The following ZNF254 variants were observed in gnomAD, a reference collection of about 807,000 sequenced individuals.
ZNF254 encodes zinc finger protein 254, also known as CTD-2017D11.1.
ZNF254 carries 10 observed loss-of-function variants against 12.4 expected under a neutral mutation model. The observed-to-expected ratio is 0.80, with a 90% confidence interval of 0.50 to 1.36. The LOEUF (loss-of-function observed/expected upper bound fraction) is 1.36. Ranked by LOEUF, ZNF254 falls within the 40% of genes most tolerant of loss-of-function variation. ZNF254 has a pLI of 0.00. For missense variants in ZNF254, 996 were observed against 763.9 expected, an observed-to-expected ratio of 1.30 and a Z score of -3.58; for synonymous variants, 305 against 253.4, an observed-to-expected ratio of 1.20 and a Z score of -1.93.
At chr19:24,091,674 G>T (rs1462715341) in intron 1 of ZNF254, among the ~76,000 whole-genome samples, 1 of 151,910 alleles carries the variant, frequency 6.6e-6, no homozygotes, top group Non-Finnish European at 1.5e-5. Context: ...TGTATTTTTA[G>T]TAGAGATGGG....
intron 2 of ZNF254, among the ~76,000 whole-genome samples, chr19:24,068,017 A>G (rs927803252): frequency 1.3e-5 from 2 of 152,068 alleles, no homozygotes; most frequent in African/African-American, 4.8e-5. Flanking sequence ...GACCTTTCAT[A>G]TTTTACATGT....
intron 1 of ZNF254, among the ~76,000 whole-genome samples, chr19:24,036,526 TTGTAGG>T (rs1969973851): frequency 6.6e-6 from 1 of 152,120 alleles, no homozygotes; most frequent in African/African-American, 2.4e-5. Flanking sequence ...AGCCCTGAAC[TTGTAGG>T]GTCTATGCTG....
At chr19:24,101,727 T>A (rs1467361420) in intron 1 of ZNF254, among the ~76,000 whole-genome samples, 1 of 152,242 alleles carries the variant, frequency 6.6e-6, no homozygotes, top group Non-Finnish European at 1.5e-5. Context: ...GCTGGCTTGC[T>A]ATTGAACCAT....
At chr19:24,121,788 C>G (rs1022920231) in intron 3 of ZNF254, among the ~76,000 whole-genome samples, 2 of 152,154 alleles carry the variant, frequency 1.3e-5, no homozygotes, top group African/African-American at 4.8e-5. Context: ...AACTCCTGAC[C>G]TCATGATCCA....
intron 2 of ZNF254, chr19:24,079,908 G>T (rs1971789425): frequency 6.6e-6 from 1 of 152,152 alleles, no homozygotes; most frequent in Non-Finnish European, 1.5e-5. Flanking sequence ...CAATGAAAAG[G>T]TTAAGCAACT....
chr19:24,081,420 T>C (rs1364925007), intron 2 of ZNF254, among the ~76,000 whole-genome samples: 1 of 152,188 alleles, frequency 6.6e-6, no homozygotes, highest in Non-Finnish European at 1.5e-5. Flanking sequence ...GGGACACTTA[T>C]TGAAATAGCA....
intron 1 of ZNF254, among the ~76,000 whole-genome samples, chr19:24,038,766 T>C (rs1434018804): frequency 6.6e-6 from 1 of 152,172 alleles, no homozygotes; most frequent in Non-Finnish European, 1.5e-5. Context: ...GGATCTGCAA[T>C]CATTAATAGC....
Position 24,068,105 on chromosome 19 carries a change from T to C in ZNF254, c.-94+21826T>C, listed in dbSNP as rs996744304. Among the ~76,000 whole-genome samples, 16 of 152,316 alleles carry C rather than the reference T, an allele frequency of 1.1e-4. No individual in the cohort carries two copies. In the South Asian group the frequency reaches 2.5e-3, roughly 24 times the overall value. On this transcript the variant is annotated intron_variant, in intron 2 of 4. Transcript: ENST00000613065. ...CCTGCCCACAGATGGCCTCGTGACATATTTTGGCATCCATCACCTAAGAAA... is the reference window on the plus strand; with the variant it reads ...CCTGCCCACAGATGGCCTCGTGACACATTTTGGCATCCATCACCTAAGAAA...
intron 1 of ZNF254, among the ~76,000 whole-genome samples, chr19:24,040,403 C>T (rs1438244882): frequency 2.0e-5 from 3 of 152,156 alleles, no homozygotes; most frequent in African/African-American, 7.2e-5. Flanking sequence ...TTTTACACAG[C>T]AACCTGTTTT....
At chr19:24,053,050 A>G (rs1352402132) in intron 2 of ZNF254, among the ~76,000 whole-genome samples, 2 of 152,210 alleles carry the variant, frequency 1.3e-5, no homozygotes, top group East Asian at 1.9e-4. Flanking sequence ...TGCCAACAGT[A>G]AAGACTGTCA....
chr19:24,069,562 G>A (rs1387515228), intron 2 of ZNF254, among the ~76,000 whole-genome samples: 1 of 127,860 alleles, frequency 7.8e-6, no homozygotes, highest in East Asian at 2.4e-4. Flanking sequence ...CCAAGATCAC[G>A]CCACTGCCGT....
intron 3 of ZNF254, among the ~76,000 whole-genome samples, chr19:24,124,062 C>A (rs1230094381): frequency 6.6e-6 from 1 of 151,708 alleles, no homozygotes; most frequent in Non-Finnish European, 1.5e-5. Context: ...GTCTTTTATT[C>A]TCTTTCCATC....
intron 1 of ZNF254, chr19:24,105,584 G>T: frequency 4.3e-6 from 1 of 234,138 alleles, no homozygotes; most frequent in Admixed American, 5.3e-5. Flanking sequence ...TGTCTATTTT[G>T]TCTGAAAAAT....
At chr19:24,095,667 G>A (rs1972628789) in intron 1 of ZNF254, among the ~76,000 whole-genome samples, 1 of 152,004 alleles carries the variant, frequency 6.6e-6, no homozygotes, top group Admixed American at 6.6e-5. Context: ...TCTTGTTTGT[G>A]TGCACAGAGG....
intron 2 of ZNF254, among the ~76,000 whole-genome samples, chr19:24,068,410 C>T (rs765870025): frequency 4.6e-5 from 7 of 152,096 alleles, no homozygotes; most frequent in Non-Finnish European, 8.8e-5. Flanking sequence ...AAGCAGTTCT[C>T]CTGCCTTAGC....
At chr19:24,084,274 A>G (rs1164862156), upstream of ZNF254, among the ~76,000 whole-genome samples, 2 of 151,080 alleles carry the variant, frequency 1.3e-5, no homozygotes, top group African/African-American at 4.8e-5. Context: ...GGAGTTGAAG[A>G]ACATTATTCT....
intron 3 of ZNF254, among the ~76,000 whole-genome samples, chr19:24,125,153 A>G (rs951918549): frequency 4.0e-5 from 6 of 149,838 alleles, no homozygotes; most frequent in Admixed American, 1.3e-4. Context: ...AATTGTGCTT[A>G]TGTATGTGTT....
chr19:24,125,485 TATA>T (rs1218221191), intron 3 of ZNF254, among the ~76,000 whole-genome samples: 4 of 152,194 alleles, frequency 2.6e-5, no homozygotes, highest in African/African-American at 9.6e-5. Flanking sequence ...TTGTATATAT[TATA>T]ATCCTTGATT....
intron 2 of ZNF254, among the ~76,000 whole-genome samples, chr19:24,067,063 C>T (rs1971302136): frequency 6.6e-6 from 1 of 152,026 alleles, no homozygotes; most frequent in South Asian, 2.1e-4. Flanking sequence ...TTTTCTCCTG[C>T]AGGAAAGATT....
Sources: allele counts gnomAD v4.1 joint callset (sites outside exome capture counted in the v4.1 genomes callset), GRCh38; gene constraint gnomAD v4.1.1; transcripts MANE v1.5; gene names NCBI Gene and HGNC (gene_info 2026-07-23, HGNC 2026-07-21).